ATAD5: variants seen among roughly 807,000 people sequenced by gnomAD.
ATAD5 encodes the protein ATPase family AAA domain containing 5.
A neutral mutation model predicts 176.9 loss-of-function variants in ATAD5; 58 were observed. The ratio of observed to expected loss-of-function variants is 0.33; its 90% confidence interval spans 0.27 to 0.41. The LOEUF (loss-of-function observed/expected upper bound fraction) is 0.41, where lower values mean the gene tolerates loss of function less well. Among genes scored for constraint, ATAD5 ranks in the 10% least tolerant of loss-of-function variants. ATAD5 has a pLI of 1.00. For missense variants in ATAD5, 1,789 were observed against 2,094.1 expected (o/e 0.85, Z 2.84); for synonymous variants, 640 against 712.6 (o/e 0.90, Z 1.62).
chr17:30,836,163 G>T, intron 2 of ATAD5, 115 bp downstream of exon 2: 1 of 873,654 alleles, frequency 1.1e-6, no homozygotes. Flanking sequence ...CTGTTTAAAA[G>T]AAAAAGAACA....
chr17:30,859,488 T>G (rs1428309930), intron 9 of ATAD5, among the ~76,000 whole-genome samples: 1 of 152,174 alleles, frequency 6.6e-6, no homozygotes, highest in Non-Finnish European at 1.5e-5. Flanking sequence ...GCCTGCCTAG[T>G]AGCTGAGATT....
At chr17:30,836,247 C>T (rs185852018) in intron 2 of ATAD5, among the ~76,000 whole-genome samples, 199 bp downstream of exon 2, 2,971 of 151,414 alleles carry the variant, frequency 0.02, 52 homozygotes, top group Middle Eastern at 0.067. Context: ...GGGGCAATCT[C>T]GGCTCACTGC....
chr17:30,873,473 A>G (rs770889099), intron 14 of ATAD5, among the ~76,000 whole-genome samples: 3 of 151,772 alleles, frequency 2.0e-5, no homozygotes, highest in Non-Finnish European at 4.4e-5. Flanking sequence ...GTGCGCCACC[A>G]TGCCTGGCTA....
chr17:30,887,050 A>C (rs1909361908), intron 18 of ATAD5, 142 bp from the exon 19 acceptor site: 2 of 591,534 alleles, frequency 3.4e-6, no homozygotes, highest in South Asian at 5.2e-5. Context: ...ATATTTTTAA[A>C]GCAGTTTCAT....
In ATAD5 at chr17:30,834,932, A is replaced by G. The variant is rs1165040322; in HGVS notation, c.851A>G (p.Asp284Gly). 1.9e-6 allele frequency: 3 copies of G among 1,611,498 alleles called. No homozygotes were observed. The highest frequency in any genetic ancestry group is 2.2e-5 in the East Asian group (1 of 44,754). Reference protein sequence around the residue: ...HKENKVEEIPDSTMSICVPSE... With the variant: ...HKENKVEEIPGSTMSICVPSE... ...GAAAATAAAGTGGAAGAGATACCAGACTCTACAATGTCAATTTGTGTTCCT... is the reference window on the plus strand; with the variant it reads ...GAAAATAAAGTGGAAGAGATACCAGGCTCTACAATGTCAATTTGTGTTCCT... The change falls in exon 2 of 23, where the codon GAC (aspartate) becomes GGC (glycine). Residue 284 changes from aspartate (D) to glycine (G), a missense_variant. This residue lies in a region of ATAD5 where 696 missense variants were observed against 712.5 expected (regional missense o/e 0.98). Transcript: ENST00000321990.
chr17:30,873,638 A>T (rs1908469308), intron 14 of ATAD5, among the ~76,000 whole-genome samples: 1 of 150,128 alleles, frequency 6.7e-6, no homozygotes, highest in African/African-American at 2.5e-5. Context: ...GAAAGAATAT[A>T]TTGATATAGT....
chr17:30,892,783 T>A lies in ATAD5; in HGVS notation c.4435T>A (p.Leu1479Ile), dbSNP rs745963888. 1.9e-6 allele frequency: 3 copies of A among 1,548,372 alleles called. No individual in the cohort carries two copies. In the South Asian group the frequency reaches 3.8e-5, roughly 19 times the overall value. Residue 1479 changes from leucine (L) to isoleucine (I), a missense_variant, in exon 20 of 23, where the codon TTA becomes ATA. Physicochemically the swap from Leu to Ile is conservative, Grantham distance 5. This residue lies in a region of ATAD5 where 403 missense variants were observed against 495.1 expected (regional missense o/e 0.81). Coordinates refer to ENST00000321990, the MANE Select transcript of ATAD5 (RefSeq NM_024857.5). ...FSPSEDLFSF[L>I]KHKITMKEEW... ...CCCATCTGAAGACTTATTTTCATTT[T>A]TAAAGGTATTTTCAATGTCTGTTTT... is the stretch of plus-strand genomic sequence containing the variant.
intron 18 of ATAD5, among the ~76,000 whole-genome samples, chr17:30,884,424 C>CTTTTTTTTTTT (rs61664127): frequency 6.9e-4 from 56 of 80,960 alleles, no homozygotes; most frequent in Non-Finnish European, 7.8e-4. Context: ...CTTTTCTTTT[C>CTTTTTTTTTTT]TTTTTTTTTT....
chr17:30,861,893 T>C (rs1295461386), intron 10 of ATAD5: 1 of 151,764 alleles, frequency 6.6e-6, no homozygotes, highest in Non-Finnish European at 1.5e-5. Context: ...ACAGAGAAAA[T>C]TAGCATGGCC....
rs1908380996 is a variant in ATAD5, at chr17:30,872,301, C to T, written c.3607+2655C>T. ...ATTTTGCCCCACTCCTTAGGCAAAA[C>T]CTTTCTGAGTGCTTCAATATTCCAT... On this transcript the variant is annotated intron_variant, in intron 14 of 22. Coordinates refer to ENST00000321990, the MANE Select transcript of ATAD5 (RefSeq NM_024857.5). Among the ~76,000 whole-genome samples, 3 of 152,232 alleles carry T rather than the reference C, an allele frequency of 2.0e-5. No homozygotes were observed. The South Asian group carries it at 6.2e-4, about 32-fold the overall frequency.
intron 6 of ATAD5, among the ~76,000 whole-genome samples, chr17:30,853,980 A>G (rs1301701661): frequency 6.6e-6 from 1 of 151,884 alleles, no homozygotes; most frequent in East Asian, 1.9e-4. Flanking sequence ...CCTACCACCC[A>G]AAGATAGCCC....
At chr17:30,852,762 C>T (rs1248713690) in intron 6 of ATAD5, among the ~76,000 whole-genome samples, 1 of 152,044 alleles carries the variant, frequency 6.6e-6, no homozygotes, top group Non-Finnish European at 1.5e-5. Flanking sequence ...ACAACCATCT[C>T]TCGGGTGAAC....
Position 30,879,004 on chromosome 17 carries a change from T to G in ATAD5, c.4013-419T>G, listed in dbSNP as rs1908854906. Among the ~76,000 whole-genome samples, 2 of 152,108 alleles carry G rather than the reference T, an allele frequency of 1.3e-5. 1 individual carries two copies. The highest frequency in any genetic ancestry group is 4.8e-5 in the African/African-American group (2 of 41,430). On this transcript the variant is annotated intron_variant, in intron 17 of 22. Transcript: ENST00000321990. ...GCCTCGGCCTCCCAAAGTGCTGGGA[T>G]CATAGGCATGAGGCACTGTGCCCAG...
intron 18 of ATAD5, among the ~76,000 whole-genome samples, chr17:30,886,254 T>C (rs1022174479): frequency 9.2e-5 from 14 of 151,690 alleles, no homozygotes; most frequent in African/African-American, 3.4e-4. Context: ...AAATGTTTCC[T>C]TCTCTTTTTT....
intron 10 of ATAD5, among the ~76,000 whole-genome samples, chr17:30,863,280 C>T (rs1907751813): frequency 6.6e-6 from 1 of 152,166 alleles, no homozygotes; most frequent in African/African-American, 2.4e-5. Context: ...ACTGCAGCCT[C>T]CACCTCCTGA....
intron 10 of ATAD5, among the ~76,000 whole-genome samples, chr17:30,865,164 T>G (rs1597978321): frequency 6.7e-6 from 1 of 150,178 alleles, no homozygotes; most frequent in Non-Finnish European, 1.5e-5. Flanking sequence ...TGTTTAAGTG[T>G]GCACTTTAAT....
Position 30,835,953 on chromosome 17 carries a change from G to C in ATAD5, c.1872G>C (p.Lys624Asn). ...SDDVQDNSQL[K>N]ASTQKAANLS... is the part of the protein sequence containing the mutation. ...ATGTACAAGATAATAGTCAACTAAA[G>C]GCTTCCACTCAAAAAGCAGCCAACT... is the stretch of plus-strand genomic sequence containing the variant. Residue 624 changes from lysine to asparagine, a missense_variant, in exon 2 of 23, where the codon AAG becomes AAC. By Grantham distance (94) the Lys-to-Asn change is moderately conservative. Around this residue, in one of 6 missense-constraint regions of ATAD5, gnomAD observed 696 missense variants for 712.5 expected, o/e 0.98. Coordinates refer to ENST00000321990, the MANE Select transcript of ATAD5 (RefSeq NM_024857.5). 1 of 1,614,048 alleles carries C rather than the reference G, an allele frequency of 6.2e-7. No homozygotes were observed. The highest frequency in any genetic ancestry group is 1.1e-5 in the South Asian group (1 of 91,078).
chr17:30,870,362 G>C (rs1908266138), intron 14 of ATAD5, among the ~76,000 whole-genome samples: 1 of 152,058 alleles, frequency 6.6e-6, no homozygotes, highest in Admixed American at 6.6e-5. Flanking sequence ...GGATTTGTCT[G>C]CTGATTATAT....
intron 4 of ATAD5, among the ~76,000 whole-genome samples, chr17:30,843,427 C>T (rs968179948): frequency 1.3e-5 from 2 of 151,230 alleles, no homozygotes; most frequent in African/African-American, 2.4e-5. Context: ...CTGAGGCAGG[C>T]GGATCACCTG....
Sources: allele counts gnomAD v4.1 joint callset (sites outside exome capture counted in the v4.1 genomes callset), GRCh38; gene constraint gnomAD v4.1.1; regional missense constraint gnomAD v4.1.1; transcripts MANE v1.5; gene names NCBI Gene and HGNC (gene_info 2026-07-23, HGNC 2026-07-21).